The following IGF2BP2 variants were observed in gnomAD, a reference collection of about 807,000 sequenced individuals.
IGF2BP2 encodes insulin like growth factor 2 mRNA binding protein 2, also known as insulin-like growth factor 2 mRNA-binding protein 2.
A neutral mutation model predicts 75.8 loss-of-function variants in IGF2BP2; 17 were observed. That is an observed-to-expected ratio of 0.22 (90% CI 0.15 to 0.34). IGF2BP2 has a LOEUF of 0.34. Ranked by LOEUF, IGF2BP2 falls within the 10% of genes least tolerant of loss-of-function variation. The probability of loss-of-function intolerance (pLI) is 1.00; values close to 1 mark genes in which losing one functional copy is unlikely to be tolerated. For synonymous variants in IGF2BP2, 288 were observed against 295.6 expected (o/e 0.97, Z 0.26); for missense variants, 516 against 772.4 (o/e 0.67, Z 3.93).
chr3:185,813,746 A>G (rs968601179), intron 2 of IGF2BP2, among the ~76,000 whole-genome samples: 1 of 152,186 alleles, frequency 6.6e-6, no homozygotes, highest in Admixed American at 6.5e-5. Context: ...GAACCCATAC[A>G]TTCCAACACA....
intron 1 of IGF2BP2, among the ~76,000 whole-genome samples, chr3:185,823,775 C>A (rs953210257): frequency 6.6e-6 from 1 of 151,840 alleles, no homozygotes; most frequent in African/African-American, 2.4e-5. Context: ...CCCGCCGGGC[C>A]GGGGTTCGGG....
intron 3 of IGF2BP2, among the ~76,000 whole-genome samples, chr3:185,697,319 T>C (rs184177896): frequency 1.8e-4 from 28 of 152,328 alleles, no homozygotes; most frequent in African/African-American, 5.8e-4. Context: ...TTGGTCATGC[T>C]GGTCTCAAAC....
intron 1 of IGF2BP2, among the ~76,000 whole-genome samples, chr3:185,823,894 C>T (rs975677153): frequency 6.6e-6 from 1 of 151,850 alleles, no homozygotes; most frequent in Middle Eastern, 3.4e-3. Context: ...TCTCCGTCTC[C>T]TGTCTGGGCT....
chr3:185,650,432 T>A (rs573494831), intron 13 of IGF2BP2, among the ~76,000 whole-genome samples: 1 of 152,232 alleles, frequency 6.6e-6, no homozygotes, highest in East Asian at 1.9e-4. Context: ...ATCCCAGCAC[T>A]TTGGAAGGTC....
intron 2 of IGF2BP2, among the ~76,000 whole-genome samples, chr3:185,750,166 G>C (rs934597904): frequency 6.6e-6 from 1 of 152,146 alleles, no homozygotes; most frequent in Non-Finnish European, 1.5e-5. Context: ...ACCACACTGA[G>C]AATCACTGTC....
intron 4 of IGF2BP2, among the ~76,000 whole-genome samples, chr3:185,693,713 T>C (rs1722236098): frequency 6.6e-6 from 1 of 152,206 alleles, no homozygotes; most frequent in Non-Finnish European, 1.5e-5. Flanking sequence ...AAAATATATG[T>C]TTCCCAAAAC....
At chr3:185,709,254 T>G (rs762276347) in intron 2 of IGF2BP2, among the ~76,000 whole-genome samples, 9 of 152,254 alleles carry the variant, frequency 5.9e-5, no homozygotes, top group Non-Finnish European at 4.4e-5. Flanking sequence ...CCTTTCAGCA[T>G]CTTGTCAATT....
At chr3:185,676,099 A>G (rs553743069) in intron 7 of IGF2BP2, among the ~76,000 whole-genome samples, 186 bp from the exon 8 acceptor site, 9 of 152,278 alleles carry the variant, frequency 5.9e-5, no homozygotes, top group African/African-American at 2.2e-4. Flanking sequence ...CATAAGCCAA[A>G]CCATGGTAAT....
chr3:185,800,371 A>G (rs1738046715), intron 2 of IGF2BP2, among the ~76,000 whole-genome samples: 1 of 152,168 alleles, frequency 6.6e-6, no homozygotes, highest in Admixed American at 6.5e-5. Context: ...TGGCACATGT[A>G]TACCCATGTA....
intron 2 of IGF2BP2, among the ~76,000 whole-genome samples, chr3:185,795,334 A>G (rs556297323): frequency 6.6e-6 from 1 of 152,264 alleles, no homozygotes; most frequent in East Asian, 1.9e-4. Context: ...AAAATATTCC[A>G]CTGTATGTCC....
intron 2 of IGF2BP2, among the ~76,000 whole-genome samples, chr3:185,708,553 G>A (rs543823332): frequency 6.6e-4 from 101 of 152,118 alleles, no homozygotes; most frequent in African/African-American, 8.4e-4. Flanking sequence ...TGAATTAGCC[G>A]ACTTCTGGTT....
At chr3:185,694,716 T>C (rs1474326666) in intron 4 of IGF2BP2, among the ~76,000 whole-genome samples, 2 of 152,202 alleles carry the variant, frequency 1.3e-5, no homozygotes, top group African/African-American at 2.4e-5. Flanking sequence ...CCTCAGTTTA[T>C]AATATAATCT....
intron 2 of IGF2BP2, among the ~76,000 whole-genome samples, chr3:185,699,343 C>G (rs185481539): frequency 6.6e-6 from 1 of 152,230 alleles, no homozygotes; most frequent in East Asian, 1.9e-4. Flanking sequence ...TGACCTGACC[C>G]CAAAGTGTAC....
At position 185,658,400 on chromosome 3, in the gene IGF2BP2, C is replaced by T. The variant is rs532135870; in HGVS notation, c.1210G>A (p.Gly404Arg). ...APYHPFTTHS[G>R]YFSSLYPHHQ... is the part of the protein sequence containing the mutation. ...TGGGGGTACAGGCTGGAGAAGTATC[C>T]GGAGTGGGTCTGCAGCATGAGAGAA... Residue 404 changes from glycine (G) to arginine (R), a missense_variant, in exon 11 of 16, where the codon GGA becomes AGA. By Grantham distance (125) the Gly-to-Arg change is moderately radical. This residue lies in a region of IGF2BP2 where 75 missense variants were observed against 67.4 expected (regional missense o/e 1.11). Coordinates refer to ENST00000382199, the MANE Select transcript of IGF2BP2 (RefSeq NM_006548.6). 40 of 1,613,752 alleles carry T rather than the reference C, an allele frequency of 2.5e-5. No homozygotes were observed. The highest frequency in any genetic ancestry group is 1.7e-4 in the Middle Eastern group (1 of 6,058).
chr3:185,706,108 CT>C (rs1394766182), intron 2 of IGF2BP2, among the ~76,000 whole-genome samples: 1 of 152,222 alleles, frequency 6.6e-6, no homozygotes, highest in Non-Finnish European at 1.5e-5. Flanking sequence ...GTGGCTCACA[CT>C]TGTAATCCCA....
At position 185,702,401 on chromosome 3, in the gene IGF2BP2, G is replaced by C. The variant is rs140999275; in HGVS notation, c.240-4054C>G. 8.2e-3 allele frequency among the ~76,000 whole-genome samples: 1,246 copies of C among 152,030 alleles called. 16 individuals are homozygous for C. Among genetic ancestry groups the C allele is most frequent in the African/African-American group, 0.025 (1,022 of 41,454 alleles). On this transcript the variant is annotated intron_variant, in intron 2 of 15. Coordinates refer to ENST00000382199, the MANE Select transcript of IGF2BP2 (RefSeq NM_006548.6). The stretch of plus-strand genomic sequence containing the variant: ...TGGCTCAGTCTCAAATGAGAGTATC[G>C]ATCTTTCTCCCTGAAACTGTGCCCT...
chr3:185,758,753 CTCAGAT>C (rs577743089), intron 2 of IGF2BP2, among the ~76,000 whole-genome samples: 12 of 152,214 alleles, frequency 7.9e-5, no homozygotes, highest in Admixed American at 1.3e-4. Flanking sequence ...AATGTGGAAA[CTCAGAT>C]GTTTCACTGA....
At chr3:185,774,900 G>A (rs1734347072) in intron 2 of IGF2BP2, among the ~76,000 whole-genome samples, 1 of 151,896 alleles carries the variant, frequency 6.6e-6, no homozygotes, top group Non-Finnish European at 1.5e-5. Flanking sequence ...GGCTCCTGTA[G>A]TCCCAGCTAC....
intron 2 of IGF2BP2, among the ~76,000 whole-genome samples, chr3:185,753,312 C>T (rs1381693331): frequency 6.6e-6 from 1 of 152,190 alleles, no homozygotes; most frequent in Non-Finnish European, 1.5e-5. Flanking sequence ...GCCCCCTCTA[C>T]TCAGCCCCTC....
Sources: allele counts gnomAD v4.1 joint callset (sites outside exome capture counted in the v4.1 genomes callset), GRCh38; gene constraint gnomAD v4.1.1; regional missense constraint gnomAD v4.1.1; transcripts MANE v1.5; gene names NCBI Gene and HGNC (gene_info 2026-07-23, HGNC 2026-07-21).